ASB15: variants seen among roughly 807,000 people sequenced by gnomAD.
ASB15 encodes ankyrin repeat and SOCS box protein 15.
A neutral mutation model predicts 58.0 loss-of-function variants in ASB15; 54 were observed. The observed-to-expected ratio is 0.93, with a 90% confidence interval of 0.75 to 1.17. ASB15 has a LOEUF of 1.17. Ranked by LOEUF, ASB15 falls within the 50% of genes most tolerant of loss-of-function variation. The pLI, the probability that ASB15 is intolerant of heterozygous loss-of-function variation, is 0.00. For synonymous variants in ASB15, 249 were observed against 262.4 expected, an observed-to-expected ratio of 0.95 and a Z score of 0.50; for missense variants, 680 against 707.4, an observed-to-expected ratio of 0.96 and a Z score of 0.44.
rs113078491 is a variant in ASB15 at position 123,614,253 on chromosome 7, T to C, written c.-2-248T>C. The C allele has an allele frequency of 8.5e-3, 2,938 of 346,496 alleles. 81 individuals carry two copies. Among genetic ancestry groups the C allele is most frequent in the African/African-American group, 0.06 (2,685 of 44,428 alleles). 21.5% of individuals were successfully genotyped at this position (346,496 alleles called of 1,614,324 possible). ...CAGTCATTACTGAAAAAAAAAAAAG[T>C]CAAAAGTTAGAAAGTGCAAATGCTC... On this transcript the variant is annotated intron_variant, in intron 3 of 11. Coordinates refer to ENST00000451215, the MANE Select transcript of ASB15 (RefSeq NM_001290258.2).
chr7:123,614,046 C>CA (rs200049243), intron 3 of ASB15: 12,572 of 153,710 alleles, frequency 0.082, 592 homozygotes, highest in African/African-American at 0.13. Flanking sequence ...ACTCCATCTC[C>CA]AAAAACAAAA....
At chr7:123,582,249 G>A (rs1799254828) in intron 1 of ASB15, among the ~76,000 whole-genome samples, 1 of 152,018 alleles carries the variant, frequency 6.6e-6, no homozygotes, top group South Asian at 2.1e-4. Context: ...CCTGTGGAAG[G>A]AAGGATGTGT....
chr7:123,608,833 A>G (rs1349117605), intron 3 of ASB15, among the ~76,000 whole-genome samples, 179 bp downstream of exon 3: 1 of 152,192 alleles, frequency 6.6e-6, no homozygotes, highest in African/African-American at 2.4e-5. Flanking sequence ...CCACCAAATA[A>G]AAAGCAAAGT....
At chr7:123,629,514 A>G (rs1356288758) in intron 10 of ASB15, 80 bp downstream of exon 10, 1 of 1,286,822 alleles carries the variant, frequency 7.8e-7, no homozygotes, top group East Asian at 2.4e-5. Flanking sequence ...ATGTTACAAG[A>G]AAAGAAAAAT....
chr7:123,593,278 G>T (rs1185540113), intron 1 of ASB15, among the ~76,000 whole-genome samples: 1 of 152,022 alleles, frequency 6.6e-6, no homozygotes, highest in African/African-American at 2.4e-5. Flanking sequence ...TACATTTAAG[G>T]TTAATATTGT....
intron 3 of ASB15, among the ~76,000 whole-genome samples, chr7:123,611,604 T>C (rs1412154365): frequency 6.6e-6 from 1 of 152,176 alleles, no homozygotes; most frequent in Non-Finnish European, 1.5e-5. Context: ...CCAGTTACTC[T>C]TATTTATGAG....
chr7:123,631,138 T>C (rs12669165), intron 11 of ASB15, among the ~76,000 whole-genome samples: 14,936 of 152,190 alleles, frequency 0.098, 911 homozygotes, highest in Non-Finnish European at 0.13. Flanking sequence ...GGAGGAGGAT[T>C]TTTTTATTTC....
At chr7:123,627,330 G>T in intron 9 of ASB15, 49 bp downstream of exon 9, 3 of 1,455,846 alleles carry the variant, frequency 2.1e-6, no homozygotes, top group Non-Finnish European at 2.8e-6. Context: ...ATGCTAATTT[G>T]TATATACAGT....
intron 7 of ASB15, 57 bp from the exon 8 acceptor site, chr7:123,624,512 C>T (rs201822867): frequency 2.6e-4 from 386 of 1,494,744 alleles, no homozygotes; most frequent in Non-Finnish European, 3.3e-4. Flanking sequence ...TAGTTTAATA[C>T]CACCTAAGGT....
chr7:123,615,639 T>C (rs960159503), intron 4 of ASB15: 2 of 152,300 alleles, frequency 1.3e-5, no homozygotes, highest in Middle Eastern at 3.2e-3. Flanking sequence ...GGGCCAGTGA[T>C]TGGGAGTTTG....
upstream of ASB15, among the ~76,000 whole-genome samples, chr7:123,599,585 C>T (rs754509682): frequency 4.6e-5 from 7 of 152,154 alleles, no homozygotes; most frequent in Non-Finnish European, 8.8e-5. Context: ...CAAGCTGCCA[C>T]ATTGCTCCCT....
intron 1 of ASB15, among the ~76,000 whole-genome samples, chr7:123,588,576 T>A (rs1440094308): frequency 6.6e-6 from 1 of 150,986 alleles, no homozygotes; most frequent in Non-Finnish European, 1.5e-5. Flanking sequence ...CCTTCCTTCC[T>A]CCCTTCCTTC....
At chr7:123,591,671 CTTTTT>C in intron 1 of ASB15, among the ~76,000 whole-genome samples, 1 of 152,074 alleles carries the variant, frequency 6.6e-6, no homozygotes, top group South Asian at 2.1e-4. Context: ...GGTGGATATG[CTTTTT>C]GACGTGTTGC....
chr7:123,617,287 C>G, intron 6 of ASB15, among the ~76,000 whole-genome samples: 1 of 152,216 alleles, frequency 6.6e-6, no homozygotes, highest in Non-Finnish European at 1.5e-5. Flanking sequence ...AATTATAATA[C>G]AAAGGATTGA....
intron 3 of ASB15, chr7:123,614,239 GAAA>G: frequency 6.6e-6 from 2 of 301,578 alleles, no homozygotes; most frequent in Non-Finnish European, 6.0e-6. Flanking sequence ...AGTCATTACT[GAAA>G]AAAAAAAAAG....
chr7:123,590,649 C>T (rs1486032147), intron 1 of ASB15, among the ~76,000 whole-genome samples: 1 of 152,128 alleles, frequency 6.6e-6, no homozygotes, highest in Non-Finnish European at 1.5e-5. Flanking sequence ...GGTGTTATTT[C>T]TGAGGCCTCT....
intron 1 of ASB15, among the ~76,000 whole-genome samples, chr7:123,596,743 CA>C (rs1799706300): frequency 1.3e-5 from 2 of 152,048 alleles, no homozygotes; most frequent in Non-Finnish European, 2.9e-5. Context: ...ATGCTTTTTA[CA>C]ATCAAATATT....
intron 11 of ASB15, among the ~76,000 whole-genome samples, chr7:123,633,710 C>T (rs143663628): frequency 1.1e-4 from 16 of 152,248 alleles, no homozygotes; most frequent in Admixed American, 4.6e-4. Flanking sequence ...AGCATTCCTA[C>T]GACCCAGATT....
chr7:123,576,791 G>C (rs1461640785), intron 1 of ASB15, among the ~76,000 whole-genome samples: 1 of 152,270 alleles, frequency 6.6e-6, no homozygotes, highest in Middle Eastern at 3.4e-3. Context: ...TCTAAGATCT[G>C]CTGCCACTAG....
Sources: allele counts gnomAD v4.1 joint callset (sites outside exome capture counted in the v4.1 genomes callset), GRCh38; gene constraint gnomAD v4.1.1; transcripts MANE v1.5; gene names NCBI Gene and HGNC (gene_info 2026-07-23, HGNC 2026-07-21).